TAFA2: variants seen among roughly 807,000 people sequenced by gnomAD.
The protein encoded by TAFA2 is chemokine-like protein TAFA-2.
TAFA2 carries 7 observed loss-of-function variants against 18.8 expected under a neutral mutation model. That is an observed-to-expected ratio of 0.37 (90% CI 0.21 to 0.70). The LOEUF is 0.70. Ranked by LOEUF, TAFA2 falls within the 30% of genes least tolerant of loss-of-function variation. The pLI, the probability that TAFA2 is intolerant of heterozygous loss-of-function variation, is 0.53. For synonymous variants in TAFA2, 60 were observed against 54.2 expected, an observed-to-expected ratio of 1.11 and a Z score of -0.47; for missense variants, 122 against 158.1, an observed-to-expected ratio of 0.77 and a Z score of 1.23.
At chr12:62,193,585 T>C (rs537767198), upstream of TAFA2, among the ~76,000 whole-genome samples, 1 of 152,360 alleles carries the variant, frequency 6.6e-6, no homozygotes, top group South Asian at 2.1e-4. Flanking sequence ...CCATATTTTG[T>C]ATCTAAAATG....
At chr12:61,991,944 A>C (rs1417930004) in intron 1 of TAFA2, among the ~76,000 whole-genome samples, 2 of 152,202 alleles carry the variant, frequency 1.3e-5, no homozygotes, top group African/African-American at 4.8e-5. Flanking sequence ...CCTGCAAAAC[A>C]GTTTTCAGTT....
intron 1 of TAFA2, among the ~76,000 whole-genome samples, chr12:62,022,911 C>T (rs763113596): frequency 3.9e-5 from 6 of 152,146 alleles, no homozygotes; most frequent in Non-Finnish European, 8.8e-5. Context: ...AGCAACCATA[C>T]CAGCAATCAC....
At chr12:61,856,355 T>C (rs923453361) in intron 2 of TAFA2, among the ~76,000 whole-genome samples, 1 of 151,892 alleles carries the variant, frequency 6.6e-6, no homozygotes, top group African/African-American at 2.4e-5. Context: ...ATAAAATATA[T>C]GAAAAGATGA....
At chr12:62,038,485 ATAT>A (rs1328494683) in intron 1 of TAFA2, among the ~76,000 whole-genome samples, 3 of 152,186 alleles carry the variant, frequency 2.0e-5, no homozygotes, top group Admixed American at 2.0e-4. Flanking sequence ...ATTGTATTAG[ATAT>A]TATAAGTAAT....
intron 1 of TAFA2, among the ~76,000 whole-genome samples, chr12:62,130,277 G>T (rs1229220995): frequency 6.6e-6 from 1 of 151,794 alleles, no homozygotes; most frequent in African/African-American, 2.4e-5. Flanking sequence ...CATCTTTTCG[G>T]CTGCTATCAG....
At chr12:61,791,612 T>C (rs1271972543) in intron 2 of TAFA2, among the ~76,000 whole-genome samples, 1 of 151,586 alleles carries the variant, frequency 6.6e-6, no homozygotes, top group Non-Finnish European at 1.5e-5. Context: ...CAAAAGTACA[T>C]GAAAAATGCT....
chr12:61,745,344 G>A (rs1868651685), intron 4 of TAFA2, among the ~76,000 whole-genome samples: 1 of 151,894 alleles, frequency 6.6e-6, no homozygotes, highest in Non-Finnish European at 1.5e-5. Context: ...TCTACCACTT[G>A]CCCTAGTTCA....
At chr12:62,156,882 A>C (rs963276064) in intron 1 of TAFA2, among the ~76,000 whole-genome samples, 3 of 152,146 alleles carry the variant, frequency 2.0e-5, no homozygotes, top group Admixed American at 2.0e-4. Context: ...CCAATAACTT[A>C]AGGGAAAAAA....
intron 1 of TAFA2, among the ~76,000 whole-genome samples, chr12:61,906,379 A>G (rs539917272): frequency 6.6e-6 from 1 of 151,908 alleles, no homozygotes; most frequent in East Asian, 1.9e-4. Context: ...ATAAAGGGCA[A>G]TTCCTCTGCA....
intron 1 of TAFA2, among the ~76,000 whole-genome samples, chr12:62,142,927 T>C (rs1565758621): frequency 1.3e-5 from 2 of 152,214 alleles, no homozygotes; most frequent in South Asian, 4.1e-4. Context: ...TAAGTACTAC[T>C]ATTGTTTTCA....
At chr12:61,876,072 A>T (rs1033903780) in intron 1 of TAFA2, among the ~76,000 whole-genome samples, 6 of 152,210 alleles carry the variant, frequency 3.9e-5, no homozygotes, top group Non-Finnish European at 8.8e-5. Flanking sequence ...TTCTGTATAT[A>T]ATATTCATAA....
At chr12:62,082,498 T>C (rs1405353812) in intron 1 of TAFA2, among the ~76,000 whole-genome samples, 2 of 152,152 alleles carry the variant, frequency 1.3e-5, no homozygotes, top group Non-Finnish European at 2.9e-5. Context: ...TGTTTGTTGA[T>C]GCAACCAACA....
intron 1 of TAFA2, among the ~76,000 whole-genome samples, chr12:61,900,018 G>A (rs1876028740): frequency 6.6e-6 from 1 of 152,170 alleles, no homozygotes; most frequent in Non-Finnish European, 1.5e-5. Flanking sequence ...AGCTGGGTTT[G>A]TGTTGTTGCA....
At chr12:61,864,838 A>T (rs1185467586) in intron 2 of TAFA2, among the ~76,000 whole-genome samples, 1 of 151,592 alleles carries the variant, frequency 6.6e-6, no homozygotes, top group East Asian at 1.9e-4. Flanking sequence ...TGACATCTGT[A>T]ATGCTCTTTA....
At chr12:61,749,509 C>T (rs1868905888) in intron 4 of TAFA2, among the ~76,000 whole-genome samples, 1 of 152,002 alleles carries the variant, frequency 6.6e-6, no homozygotes, top group South Asian at 2.1e-4. Context: ...AATATGAGTA[C>T]TATTAATATA....
intron 2 of TAFA2, among the ~76,000 whole-genome samples, chr12:61,842,305 T>C (rs2121128408): frequency 6.6e-6 from 1 of 152,140 alleles, no homozygotes; most frequent in South Asian, 2.1e-4. Flanking sequence ...GAAGGTCAAA[T>C]GGCTAATATC....
At chr12:62,075,865 A>T (rs189273903) in intron 1 of TAFA2, among the ~76,000 whole-genome samples, 2 of 152,196 alleles carry the variant, frequency 1.3e-5, no homozygotes, top group Non-Finnish European at 2.9e-5. Context: ...AACTTCAATT[A>T]TATGGTTTTG....
intron 4 of TAFA2, among the ~76,000 whole-genome samples, chr12:61,714,124 T>G (rs1186252566): frequency 6.6e-6 from 1 of 152,166 alleles, no homozygotes; most frequent in African/African-American, 2.4e-5. Flanking sequence ...CTACCATGAA[T>G]GCACACTATC....
chr12:62,120,925 G>A (rs1191001277), intron 1 of TAFA2, among the ~76,000 whole-genome samples: 3 of 151,726 alleles, frequency 2.0e-5, no homozygotes, highest in East Asian at 1.9e-4. Context: ...GCGTGATCTC[G>A]GCTCACTGCA....
Sources: allele counts gnomAD v4.1 joint callset (sites outside exome capture counted in the v4.1 genomes callset), GRCh38; gene constraint gnomAD v4.1.1; transcripts MANE v1.5; gene names NCBI Gene and HGNC (gene_info 2026-07-23, HGNC 2026-07-21).